Variants in RBM44 observed in about 807,000 individuals in gnomAD.
The protein encoded by RBM44 is RNA-binding protein 44.
RBM44 carries 66 observed loss-of-function variants against 105.1 expected under a neutral mutation model. That is an observed-to-expected ratio of 0.63 (90% CI 0.52 to 0.77). RBM44 has a LOEUF of 0.77. Among genes scored for constraint, RBM44 ranks in the 30% least tolerant of loss-of-function variants. RBM44 has a pLI of 0.00. For missense variants in RBM44, 1,122 were observed against 1,207.8 expected (o/e 0.93, Z 1.05); for synonymous variants, 365 against 417.6 (o/e 0.87, Z 1.54).
chr2:237,821,370 T>G lies in RBM44; in HGVS notation c.2120+2T>G, dbSNP rs2061787606. 1 of 1,551,434 alleles carries G rather than the reference T, an allele frequency of 6.4e-7. No homozygotes were observed. Among genetic ancestry groups the G allele is most frequent in the Non-Finnish European group, 8.7e-7 (1 of 1,144,438 alleles). Reference sequence around the variant, plus strand: ...GCTAATGAAAAAAGAAACACATGTGTGAGTTATGGTTTCATTTGATTTATA... The same window carrying G: ...GCTAATGAAAAAAGAAACACATGTGGGAGTTATGGTTTCATTTGATTTATA... On this transcript the variant is annotated splice_donor_variant, in intron 7 of 15. Coordinates refer to ENST00000316997, the MANE Select transcript of RBM44 (RefSeq NM_001080504.3). LOFTEE classifies it high-confidence loss of function.
In RBM44 at chr2:237,817,379, A is replaced by T. The variant is rs2061730934; in HGVS notation, c.460A>T (p.Thr154Ser). Residue 154 changes from threonine (T) to serine (S), a missense_variant, in exon 3 of 16, where the codon ACT becomes TCT. Physicochemically the swap from Thr to Ser is moderately conservative, Grantham distance 58. Transcript: ENST00000316997. ...FFNILEHQDK[T>S]VGLERIYNIS... is the part of the protein sequence containing the mutation. ...TAATATTTTGGAACATCAAGATAAG[A>T]CTGTTGGCTTGGAAAGAATCTACAA... 1.9e-6 allele frequency: 3 copies of T among 1,604,046 alleles called. No homozygotes were observed. The African/African-American group carries it at 4.0e-5, about 22-fold the overall frequency.
chr2:237,837,449 A>G (rs1404588377), intron 15 of RBM44, among the ~76,000 whole-genome samples: 1 of 152,182 alleles, frequency 6.6e-6, no homozygotes, highest in Non-Finnish European at 1.5e-5. Context: ...TAAAAATATC[A>G]ATATTCACAA....
chr2:237,830,520 A>G (rs993651761), intron 13 of RBM44, among the ~76,000 whole-genome samples: 1 of 152,114 alleles, frequency 6.6e-6, no homozygotes. Context: ...AAGCTAAGAA[A>G]TCTTAGCATA....
Position 237,834,366 on chromosome 2 carries a change from A to C in RBM44, c.3121A>C (p.Thr1041Pro), listed in dbSNP as rs942594100. The C allele has an allele frequency of 1.9e-6, 3 of 1,541,122 alleles. No homozygotes were observed. The highest frequency in any genetic ancestry group is 2.6e-6 in the Non-Finnish European group (3 of 1,144,032). The change falls in exon 15 of 16, where the codon ACT (threonine) becomes CCT (proline). Residue 1041 changes from threonine to proline, a missense_variant. By Grantham distance (38) the Thr-to-Pro change is conservative. Around this residue, in one of 3 missense-constraint regions of RBM44, gnomAD observed 194 missense variants for 225.5 expected, o/e 0.86. Transcript: ENST00000316997. ...GLSITTIVEM[T>P]SSLLKNSASS ...ATCTATTACTACTATTGTGGAGATG[A>C]CTTCATCTCTTCTGAAAAACTCTGC...
At chr2:237,802,769 A>G (rs1433385440) in intron 1 of RBM44, among the ~76,000 whole-genome samples, 2 of 152,190 alleles carry the variant, frequency 1.3e-5, no homozygotes, top group African/African-American at 2.4e-5. Context: ...ACTGAATAAT[A>G]TATTAAAGAG....
intron 12 of RBM44, among the ~76,000 whole-genome samples, chr2:237,828,398 A>C (rs530226453): frequency 1.3e-5 from 2 of 152,284 alleles, no homozygotes; most frequent in South Asian, 4.1e-4. Context: ...TATGATGTTA[A>C]TACATTTCAT....
chr2:237,812,904 G>C (rs1212438479), intron 1 of RBM44, among the ~76,000 whole-genome samples: 1 of 152,124 alleles, frequency 6.6e-6, no homozygotes, highest in Non-Finnish European at 1.5e-5. Context: ...TTGATTTTAT[G>C]AATGTACCAA....
intron 15 of RBM44, among the ~76,000 whole-genome samples, chr2:237,837,368 A>C (rs2061970425): frequency 6.6e-6 from 1 of 152,200 alleles, no homozygotes; most frequent in South Asian, 2.1e-4. Context: ...GACAAAGTAA[A>C]TTGAAAACTT....
chr2:237,808,939 C>A (rs2061627066), intron 1 of RBM44, among the ~76,000 whole-genome samples: 2 of 152,152 alleles, frequency 1.3e-5, no homozygotes, highest in Admixed American at 1.3e-4. Context: ...TATATGCCAG[C>A]TTTCTTCCAT....
intron 1 of RBM44, among the ~76,000 whole-genome samples, chr2:237,811,794 T>C (rs2061661084): frequency 6.6e-6 from 1 of 152,212 alleles, no homozygotes; most frequent in Non-Finnish European, 1.5e-5. Flanking sequence ...TATTGCTTGC[T>C]AAAATGCTCC....
chr2:237,820,949 G>A (rs1300381563), intron 5 of RBM44, 122 bp from the exon 6 acceptor site: 3 of 658,460 alleles, frequency 4.6e-6, no homozygotes, highest in Non-Finnish European at 7.4e-6. Context: ...AACTTGCGAG[G>A]CTGAGACAGG....
intron 15 of RBM44, among the ~76,000 whole-genome samples, chr2:237,840,892 G>A (rs561169052): frequency 4.6e-5 from 7 of 152,118 alleles, no homozygotes; most frequent in Admixed American, 1.3e-4. Context: ...ACCCAGAATG[G>A]CTATTACTAA....
At position 237,818,245 on chromosome 2, in the gene RBM44, C is replaced by T. The variant is rs774998965; in HGVS notation, c.1326C>T (p.Cys442=). The T allele has an allele frequency of 6.2e-7, 1 of 1,613,108 alleles. No homozygotes were observed. The highest frequency in any genetic ancestry group is 1.7e-5 in the Admixed American group (1 of 59,836). ...VAHSSTTKKT[C]FHNIGEMCTK... ...ATAGCAGTACCACAAAGAAAACATGCTTTCACAATATAGGAGAAATGTGTA... is the reference window on the plus strand; with the variant it reads ...ATAGCAGTACCACAAAGAAAACATGTTTTCACAATATAGGAGAAATGTGTA... The change falls in exon 3 of 16, where the codon TGC becomes TGT. Residue 442 remains cysteine (C), a synonymous_variant. Transcript: ENST00000316997. This position sits in a 1 kb window ranked among gnomAD's most constrained non-coding sequence, Gnocchi z 4.6.
chr2:237,839,627 C>T (rs1002919769), intron 15 of RBM44, among the ~76,000 whole-genome samples: 2 of 152,100 alleles, frequency 1.3e-5, no homozygotes, highest in African/African-American at 4.8e-5. Flanking sequence ...TACCTTACAC[C>T]ATATCCAAAA....
intron 12 of RBM44, among the ~76,000 whole-genome samples, chr2:237,828,684 C>T (rs1347950970): frequency 6.6e-6 from 1 of 152,018 alleles, no homozygotes; most frequent in Non-Finnish European, 1.5e-5. Context: ...ATAGCTATTG[C>T]CCAACTTTCT....
chr2:237,812,148 G>A (rs72987131), intron 1 of RBM44, among the ~76,000 whole-genome samples: 20,945 of 152,178 alleles, frequency 0.14, 1,559 homozygotes, highest in Middle Eastern at 0.24. Context: ...GAGCCACTGC[G>A]CCCAGCCTGT....
intron 1 of RBM44, among the ~76,000 whole-genome samples, chr2:237,806,351 T>A (rs142177580): frequency 6.6e-6 from 1 of 152,358 alleles, no homozygotes; most frequent in African/African-American, 2.4e-5. Flanking sequence ...TATCTATTCA[T>A]CTATTTTGTT....
chr2:237,801,029 A>G (rs1007264709), intron 1 of RBM44, among the ~76,000 whole-genome samples: 6 of 152,288 alleles, frequency 3.9e-5, no homozygotes, highest in African/African-American at 1.4e-4. Context: ...GGGGTTCTCA[A>G]TACTTTTTAA....
At chr2:237,819,177 C>G (rs1002566462) in intron 4 of RBM44, among the ~76,000 whole-genome samples, 1 of 152,030 alleles carries the variant, frequency 6.6e-6, no homozygotes, top group Admixed American at 6.6e-5. Flanking sequence ...TTCAGAAACT[C>G]ATGGCATCTA....
Sources: allele counts gnomAD v4.1 joint callset (sites outside exome capture counted in the v4.1 genomes callset), GRCh38; gene constraint gnomAD v4.1.1; regional missense constraint gnomAD v4.1.1; non-coding constraint Gnocchi (gnomAD v3.1); transcripts MANE v1.5; gene names NCBI Gene and HGNC (gene_info 2026-07-23, HGNC 2026-07-21).